Variants in TUB observed in about 807,000 individuals in gnomAD.
TUB encodes tubby protein homolog.
A neutral mutation model predicts 59.7 loss-of-function variants in TUB; 33 were observed. That is an observed-to-expected ratio of 0.55 (90% CI 0.42 to 0.74). TUB has a LOEUF of 0.74. Among genes scored for constraint, TUB ranks in the 30% least tolerant of loss-of-function variants. The pLI, the probability that TUB is intolerant of heterozygous loss-of-function variation, is 0.00. For synonymous variants in TUB, 293 were observed against 256.4 expected, an observed-to-expected ratio of 1.14 and a Z score of -1.36; for missense variants, 659 against 672.0, an observed-to-expected ratio of 0.98 and a Z score of 0.21.
intron 2 of TUB, among the ~76,000 whole-genome samples, chr11:8,053,736 C>T (rs1346500946): frequency 1.3e-5 from 2 of 150,238 alleles, no homozygotes; most frequent in Admixed American, 6.6e-5. Flanking sequence ...CTCCTGACCT[C>T]GCGATCCGCC....
At chr11:8,037,331 G>A (rs1389982363), upstream of TUB, among the ~76,000 whole-genome samples, 2 of 152,214 alleles carry the variant, frequency 1.3e-5, no homozygotes, top group African/African-American at 4.8e-5. Context: ...TATGGGAGGG[G>A]AAGGATGAGA....
intron 1 of TUB, among the ~76,000 whole-genome samples, chr11:8,088,811 G>A (rs528533048): frequency 6.6e-6 from 1 of 152,342 alleles, no homozygotes; most frequent in South Asian, 2.1e-4. Flanking sequence ...CATGGCCAGT[G>A]CGGGTGAGAT....
chr11:8,066,821 C>G (rs1365815594), intron 2 of TUB, among the ~76,000 whole-genome samples: 1 of 152,180 alleles, frequency 6.6e-6, no homozygotes, highest in Non-Finnish European at 1.5e-5. Context: ...GAACAGCCTA[C>G]CAGGCGTGCA....
chr11:8,026,856 C>T (rs1942506523), intron 1 of TUB, among the ~76,000 whole-genome samples: 1 of 152,172 alleles, frequency 6.6e-6, no homozygotes, highest in African/African-American at 2.4e-5. Flanking sequence ...GGGAGAGTTA[C>T]ATCTTAGTAA....
upstream of TUB, among the ~76,000 whole-genome samples, chr11:8,037,773 G>A (rs1261427291): frequency 6.6e-6 from 1 of 152,184 alleles, no homozygotes; most frequent in East Asian, 1.9e-4. Flanking sequence ...GACTAAAGTA[G>A]CTTAGATTCT....
chr11:8,096,704 C>T lies in TUB; in HGVS notation c.585C>T (p.Ser195=), dbSNP rs771574258. The T allele has an allele frequency of 2.5e-6, 4 of 1,611,672 alleles. No individual in the cohort carries two copies. In the Admixed American group the frequency reaches 5.0e-5, roughly 20 times the overall value. ...MQRKGISSSM[S]FDEDEEDEEE... is the part of the protein sequence containing the mutation. The stretch of plus-strand genomic sequence containing the variant: ...GCCCAGGCATCTCCAGCAGCATGAG[C>T]TTTGACGAGGATGAGGAGGATGAGG... Residue 195 remains serine (S), a synonymous_variant, in exon 6 of 12, where the codon AGC becomes AGT. Coordinates refer to ENST00000299506, the MANE Select transcript of TUB (RefSeq NM_177972.3).
chr11:8,040,865 T>C (rs549499694), intron 2 of TUB, among the ~76,000 whole-genome samples: 2 of 152,318 alleles, frequency 1.3e-5, no homozygotes, highest in East Asian at 3.9e-4. Flanking sequence ...GAACCCACTG[T>C]CAAGGCTGCA....
intron 2 of TUB, among the ~76,000 whole-genome samples, chr11:8,040,261 G>A (rs1281852252): frequency 1.3e-5 from 2 of 152,228 alleles, no homozygotes; most frequent in Non-Finnish European, 2.9e-5. Context: ...CCAAGGATAT[G>A]TTTCTTGGCC....
chr11:8,090,237 C>A lies in TUB; in HGVS notation c.253+6C>A. ...TGGCAGCACCAGCTACCAAGGTATA[C>A]CTTGCCTGCTGCCCCACATCCCGTC... On this transcript the variant is annotated splice_donor_region_variant and intron_variant, in intron 3 of 11. Coordinates refer to ENST00000299506, the MANE Select transcript of TUB (RefSeq NM_177972.3). 5 of 1,612,810 alleles carry A rather than the reference C, an allele frequency of 3.1e-6. No individual in the cohort carries two copies. Among genetic ancestry groups the A allele is most frequent in the Non-Finnish European group, 4.2e-6 (5 of 1,179,530 alleles).
At chr11:8,064,466 CCTG>C (rs1168166880) in intron 2 of TUB, among the ~76,000 whole-genome samples, 1 of 152,174 alleles carries the variant, frequency 6.6e-6, no homozygotes, top group Non-Finnish European at 1.5e-5. Flanking sequence ...TTACCCAGTA[CCTG>C]TAAAACCAGG....
At chr11:8,019,503 A>T in intron 1 of TUB, 1 of 756,058 alleles carries the variant, frequency 1.3e-6, no homozygotes, top group Middle Eastern at 4.4e-4. Flanking sequence ...GGCATCCGGG[A>T]CCCAGAGCCT....
At chr11:8,055,186 A>G (rs1354416197) in intron 2 of TUB, among the ~76,000 whole-genome samples, 2 of 152,160 alleles carry the variant, frequency 1.3e-5, no homozygotes, top group Non-Finnish European at 2.9e-5. Flanking sequence ...AGGCTGCATC[A>G]GCCTGGTGGG....
chr11:8,025,719 C>A (rs1323188178), intron 1 of TUB, among the ~76,000 whole-genome samples: 1 of 152,200 alleles, frequency 6.6e-6, no homozygotes, highest in Non-Finnish European at 1.5e-5. Flanking sequence ...TATCCCATCA[C>A]CTGTTGATGT....
intron 1 of TUB, among the ~76,000 whole-genome samples, chr11:8,086,112 GTCAGCTGAAAGACCTA>G (rs1943661332): frequency 6.6e-6 from 1 of 152,190 alleles, no homozygotes; most frequent in South Asian, 2.1e-4. Flanking sequence ...AGACTCCAGG[GTCAGCTGAAAGACCTA>G]TCCATCAGCG....
Position 8,105,485 on chromosome 11 carries a change from G to C in TUB, c.*3866G>C, listed in dbSNP as rs985926689. The stretch of plus-strand genomic sequence containing the variant: ...GGGAGGGGCAGAACAGATAGATTAC[G>C]ACAGGTTTGGTTTTTAAATTTTCCA... On this transcript the variant is annotated 3_prime_UTR_variant, in exon 12 of 12. Coordinates refer to ENST00000299506, the MANE Select transcript of TUB (RefSeq NM_177972.3). 6 of 152,194 alleles carry C rather than the reference G, an allele frequency of 3.9e-5. No individual in the cohort carries two copies. Among genetic ancestry groups the C allele is most frequent in the Admixed American group, 1.3e-4 (2 of 15,258 alleles). 9.4% of individuals were successfully genotyped at this position (152,194 alleles called of 1,614,324 possible). A position where few individuals can be genotyped will look rare whatever the true frequency, so the allele number is the denominator to read the frequency against.
intron 6 of TUB, 114 bp downstream of exon 6, chr11:8,096,920 T>A: frequency 7.9e-7 from 1 of 1,265,820 alleles, no homozygotes; most frequent in Non-Finnish European, 1.1e-6. Context: ...TCTGCTGGCC[T>A]CTTATGTCCC....
chr11:8,053,764 G>A (rs1942970369), intron 2 of TUB, among the ~76,000 whole-genome samples: 1 of 149,662 alleles, frequency 6.7e-6, no homozygotes, highest in East Asian at 2.0e-4. Context: ...GCCTCCCAAA[G>A]TGCTGGGATT....
intron 1 of TUB, among the ~76,000 whole-genome samples, chr11:8,033,033 G>A (rs1017168843): frequency 6.6e-6 from 1 of 152,132 alleles, no homozygotes; most frequent in African/African-American, 2.4e-5. Flanking sequence ...CTGAGGTCCC[G>A]ATAGAGTGGT....
intron 2 of TUB, among the ~76,000 whole-genome samples, chr11:8,072,216 T>G (rs1003297298): frequency 6.6e-5 from 10 of 151,912 alleles, no homozygotes; most frequent in Admixed American, 6.5e-5. Flanking sequence ...CCCCTGGGCG[T>G]GATCTCACCT....
Sources: allele counts gnomAD v4.1 joint callset (sites outside exome capture counted in the v4.1 genomes callset), GRCh38; gene constraint gnomAD v4.1.1; transcripts MANE v1.5; gene names NCBI Gene and HGNC (gene_info 2026-07-23, HGNC 2026-07-21).